The following FAM117B variants were observed in gnomAD, a reference collection of about 807,000 sequenced individuals.
The protein encoded by FAM117B is family with sequence similarity 117 member B.
Under a neutral mutation model 52.8 loss-of-function variants are expected in FAM117B, and 22 were observed. That is an observed-to-expected ratio of 0.42 (90% confidence interval 0.30 to 0.59). The LOEUF is 0.59. FAM117B is among the 20% of genes least tolerant of loss of function. The probability of loss-of-function intolerance (pLI) is 0.22; values close to 1 mark genes in which losing one functional copy is unlikely to be tolerated. For missense variants in FAM117B, 678 were observed against 802.6 expected, an observed-to-expected ratio of 0.84 and a Z score of 1.88; for synonymous variants, 309 against 324.1, an observed-to-expected ratio of 0.95 and a Z score of 0.50.
chr2:202,698,874 A>G (rs1690754061), intron 2 of FAM117B, among the ~76,000 whole-genome samples: 1 of 152,154 alleles, frequency 6.6e-6, no homozygotes, highest in Non-Finnish European at 1.5e-5. Context: ...AAATTTGTAG[A>G]AGTTTATTTC....
chr2:202,755,753 A>T (rs565448243), intron 5 of FAM117B, 72 bp downstream of exon 5: 62 of 1,447,916 alleles, frequency 4.3e-5, no homozygotes, highest in Non-Finnish European at 5.6e-5. Flanking sequence ...TTGGGTTTCC[A>T]TATTTACTTG....
intron 1 of FAM117B, among the ~76,000 whole-genome samples, chr2:202,688,722 G>C (rs2105773480): frequency 6.6e-6 from 1 of 152,222 alleles, no homozygotes; most frequent in South Asian, 2.1e-4. Context: ...GGTGAAAATT[G>C]ATAAAATATA....
chr2:202,649,499 A>G (rs1221496246), intron 1 of FAM117B, among the ~76,000 whole-genome samples: 7 of 152,058 alleles, frequency 4.6e-5, no homozygotes, highest in Admixed American at 3.3e-4. Flanking sequence ...TTATTCATCA[A>G]ATATTTTCTC....
At chr2:202,671,531 A>G (rs1454937723) in intron 1 of FAM117B, among the ~76,000 whole-genome samples, 1 of 152,248 alleles carries the variant, frequency 6.6e-6, no homozygotes, top group Non-Finnish European at 1.5e-5. Context: ...AAGCTCTGGC[A>G]GAGAGGCTCA....
At chr2:202,649,908 C>T (rs571112695) in intron 1 of FAM117B, among the ~76,000 whole-genome samples, 10 of 152,140 alleles carry the variant, frequency 6.6e-5, no homozygotes, top group African/African-American at 1.9e-4. Context: ...GCTCTTGTTG[C>T]CCAGGCTGGA....
In FAM117B at chr2:202,736,771, A is replaced by C. The variant is rs796596158; in HGVS notation, c.960+10408A>C. ...GAGGGAGACCCTGCTTTAGTCCATC[A>C]ATCAGCAATCAGCCAATCATCAGTT... On this transcript the variant is annotated intron_variant, in intron 4 of 7. Transcript: ENST00000392238. Among the ~76,000 whole-genome samples the C allele has an allele frequency of 5.9e-5, 9 of 152,234 alleles. No individual in the cohort carries two copies. In the East Asian group the frequency reaches 1.2e-3, roughly 20 times the overall value.
intron 7 of FAM117B, 135 bp downstream of exon 7, chr2:202,759,488 C>T (rs1691850725): frequency 8.8e-7 from 1 of 1,135,360 alleles, no homozygotes; most frequent in South Asian, 1.9e-5. Flanking sequence ...ACCTCCTTAG[C>T]TCAAGTTATC....
chr2:202,730,709 T>G (rs1360794592), intron 4 of FAM117B, among the ~76,000 whole-genome samples: 1 of 152,114 alleles, frequency 6.6e-6, no homozygotes, highest in Non-Finnish European at 1.5e-5. Flanking sequence ...AATAGGATTT[T>G]AGAAGTTTAT....
At chr2:202,660,174 T>C (rs1352475351) in intron 1 of FAM117B, among the ~76,000 whole-genome samples, 1 of 152,128 alleles carries the variant, frequency 6.6e-6, no homozygotes, top group East Asian at 1.9e-4. Context: ...AAAGCATGAT[T>C]ATAATAGCTG....
chr2:202,666,016 AAC>A (rs939875623), intron 1 of FAM117B, among the ~76,000 whole-genome samples: 1 of 152,228 alleles, frequency 6.6e-6, no homozygotes, highest in Non-Finnish European at 1.5e-5. Context: ...AAATATTACA[AAC>A]ACAAACAAAT....
At chr2:202,696,519 G>C (rs1237212744) in intron 2 of FAM117B, among the ~76,000 whole-genome samples, 1 of 152,168 alleles carries the variant, frequency 6.6e-6, no homozygotes, top group African/African-American at 2.4e-5. Context: ...TGGGCCGCAG[G>C]TTTTGGACAA....
At chr2:202,765,294 GGTGGGGGACAGA>G in intron 7 of FAM117B, 140 bp from the exon 8 acceptor site, 1 of 730,594 alleles carries the variant, frequency 1.4e-6, no homozygotes, top group Non-Finnish European at 2.2e-6. Flanking sequence ...TATGTTTGAA[GGTGGGGGACAGA>G]GCTTGAGTTT....
intron 1 of FAM117B, among the ~76,000 whole-genome samples, chr2:202,649,505 T>G (rs747426210): frequency 1.2e-4 from 18 of 152,232 alleles, no homozygotes; most frequent in Non-Finnish European, 2.2e-4. Context: ...ATCAAATATT[T>G]TCTCTCTCTT....
chr2:202,751,364 A>G (rs1691718329), intron 4 of FAM117B, among the ~76,000 whole-genome samples: 1 of 152,224 alleles, frequency 6.6e-6, no homozygotes, highest in Non-Finnish European at 1.5e-5. Flanking sequence ...CTGTATATAG[A>G]GTTGTCACCG....
intron 4 of FAM117B, among the ~76,000 whole-genome samples, chr2:202,730,500 T>A (rs929180406): frequency 5.3e-5 from 8 of 152,048 alleles, no homozygotes; most frequent in Non-Finnish European, 1.2e-4. Context: ...CAAAACCCCC[T>A]CTCTACTAAA....
At chr2:202,723,704 G>T (rs943623998) in intron 2 of FAM117B, among the ~76,000 whole-genome samples, 2 of 152,140 alleles carry the variant, frequency 1.3e-5, no homozygotes, top group African/African-American at 4.8e-5. Flanking sequence ...AGTCTTACTT[G>T]TAAGAACAGT....
At position 202,649,760 on chromosome 2, in the gene FAM117B, C is replaced by G. The variant is rs193211180; in HGVS notation, c.601+13972C>G. Among the ~76,000 whole-genome samples, 1,411 of 152,196 alleles carry G rather than the reference C, an allele frequency of 9.3e-3. 27 individuals are homozygous for G. Among genetic ancestry groups the G allele is most frequent in the African/African-American group, 0.033 (1,363 of 41,516 alleles). On this transcript the variant is annotated intron_variant, in intron 1 of 7. Coordinates refer to ENST00000392238, the MANE Select transcript of FAM117B (RefSeq NM_173511.4). Reference sequence around the variant, plus strand: ...AAAGACGGGGTTTCACTGTGTTGGCCAGGCTGGTCTCGAACTCCTGACCTC... The same window carrying G: ...AAAGACGGGGTTTCACTGTGTTGGCGAGGCTGGTCTCGAACTCCTGACCTC...
intron 1 of FAM117B, among the ~76,000 whole-genome samples, chr2:202,658,397 G>A (rs1690081612): frequency 6.6e-6 from 1 of 152,110 alleles, no homozygotes; most frequent in Non-Finnish European, 1.5e-5. Flanking sequence ...TCTGCCTCCT[G>A]GGTTCAGGTG....
At chr2:202,677,440 G>T (rs1216492016) in intron 1 of FAM117B, among the ~76,000 whole-genome samples, 1 of 152,144 alleles carries the variant, frequency 6.6e-6, no homozygotes, top group Non-Finnish European at 1.5e-5. Context: ...AATGCAGGAG[G>T]TGCCCTGTGA....
Sources: gnomAD v4.1 joint callset for allele counts (sites outside exome capture counted in the v4.1 genomes callset) on GRCh38, gnomAD v4.1.1 for gene constraint, MANE v1.5 for transcripts, NCBI Gene and HGNC (gene_info 2026-07-23, HGNC 2026-07-21) for gene names.